The following POLR1A variants were observed in gnomAD, a reference collection of about 807,000 sequenced individuals.
POLR1A encodes the protein RNA polymerase I subunit A.
In POLR1A, 84 loss-of-function variants were observed where a neutral mutation model predicts 205.3. The ratio of observed to expected loss-of-function variants is 0.41; its 90% CI spans 0.34 to 0.49. The LOEUF (loss-of-function observed/expected upper bound fraction) is 0.49, where lower values mean the gene tolerates loss of function less well. POLR1A is among the 20% of genes least tolerant of loss of function. The probability of loss-of-function intolerance (pLI) is 0.22; values close to 1 mark genes in which losing one functional copy is unlikely to be tolerated. For synonymous variants in POLR1A, 799 were observed against 863.7 expected (o/e 0.93, Z 1.31); for missense variants, 1,645 against 2,204.5 (o/e 0.75, Z 5.08).
chr2:86,074,952 G>A (rs1673252888), intron 12 of POLR1A, 78 bp downstream of exon 12: 2 of 1,022,172 alleles, frequency 2.0e-6, no homozygotes, highest in Non-Finnish European at 2.9e-6. Context: ...GCGCACCGGA[G>A]CCACACCTGA....
chr2:86,052,684 A>G (rs939033494), intron 16 of POLR1A, 133 bp downstream of exon 16: 1 of 665,960 alleles, frequency 1.5e-6, no homozygotes, highest in Non-Finnish European at 2.4e-6. Context: ...ACCTGGAAAG[A>G]CTTCTCCACT....
intron 1 of POLR1A, among the ~76,000 whole-genome samples, chr2:86,103,591 T>A (rs189350182): frequency 3.3e-5 from 5 of 152,366 alleles, no homozygotes; most frequent in African/African-American, 1.2e-4. Flanking sequence ...TGAAATCGTA[T>A]CCACTTATGG....
At chr2:86,030,134 C>G in intron 31 of POLR1A, 62 bp downstream of exon 31, 1 of 1,408,824 alleles carries the variant, frequency 7.1e-7, no homozygotes, top group Non-Finnish European at 1.0e-6. Context: ...GTGGCTGGGT[C>G]TTGAGACAAC....
chr2:86,030,237 T>A lies in POLR1A; in HGVS notation c.4738A>T (p.Thr1580Ser), dbSNP rs1261991129. Reference protein sequence around the residue: ...NKNEKELVLNTEGINLPELFK... With the variant: ...NKNEKELVLNSEGINLPELFK... ...AGCTCTGGGAGGTTGATTCCTTCTG[T>A]GTTTAGCACAAGCTCCTTCTCGTTC... Residue 1580 changes from threonine to serine, a missense_variant, in exon 31 of 34, where the codon ACA (threonine) becomes TCA (serine). Physicochemically the swap from Thr to Ser is moderately conservative, Grantham distance 58. Around this residue, in one of 16 missense-constraint regions of POLR1A, gnomAD observed 394 missense variants for 468.5 expected, o/e 0.84. Coordinates refer to ENST00000263857, the MANE Select transcript of POLR1A (RefSeq NM_015425.6). 15 of 1,614,102 alleles carry A rather than the reference T, an allele frequency of 9.3e-6. No homozygotes were observed. In the Admixed American group the frequency reaches 2.3e-4, roughly 25 times the overall value.
At chr2:86,045,196 T>G in intron 21 of POLR1A, 82 bp downstream of exon 21, 107 of 912,228 alleles carry the variant, frequency 1.2e-4, no homozygotes, top group Non-Finnish European at 1.7e-4. Context: ...GAATCTTAAA[T>G]GAGCTGCTGA....
At chr2:86,097,236 A>AAAAAAAAAAAG (rs1673721642) in intron 3 of POLR1A, among the ~76,000 whole-genome samples, 1 of 147,956 alleles carries the variant, frequency 6.8e-6, no homozygotes, top group Non-Finnish European at 1.5e-5. Context: ...AAAAAAAAAA[A>AAAAAAAAAAAG]AAAAAAGCAA....
chr2:86,054,001 C>G (rs749241231), intron 15 of POLR1A, 139 bp downstream of exon 15: 3 of 774,192 alleles, frequency 3.9e-6, no homozygotes, highest in Non-Finnish European at 6.2e-6. Flanking sequence ...AAGCTGACAA[C>G]AACTCAGGCA....
intron 14 of POLR1A, among the ~76,000 whole-genome samples, chr2:86,058,379 G>A (rs2104403404): frequency 6.8e-6 from 1 of 147,626 alleles, no homozygotes; most frequent in East Asian, 2.0e-4. Context: ...GATTACAGGT[G>A]TGAGCCACCT....
chr2:86,039,009 G>T, intron 26 of POLR1A, 152 bp from the exon 27 acceptor site: 1 of 720,342 alleles, frequency 1.4e-6, no homozygotes, highest in Non-Finnish European at 2.3e-6. Flanking sequence ...TACTGGTGTG[G>T]ATCTGCTGGG....
intron 6 of POLR1A, among the ~76,000 whole-genome samples, chr2:86,083,479 C>G (rs926920748): frequency 6.6e-6 from 1 of 151,610 alleles, no homozygotes; most frequent in Admixed American, 6.6e-5. Flanking sequence ...TTTGTCTATA[C>G]ACGTATTTTA....
At chr2:86,049,131 C>A in intron 17 of POLR1A, 29 bp downstream of exon 17, 2 of 1,610,132 alleles carry the variant, frequency 1.2e-6, no homozygotes, top group Non-Finnish European at 1.7e-6. Context: ...CCCTCTAGGG[C>A]AGGCCACGGC....
Position 86,077,734 on chromosome 2 carries a change from G to C in POLR1A, c.1380+125C>G, listed in dbSNP as rs114081623. The C allele has an allele frequency of 1.4e-3, 1,624 of 1,154,308 alleles. 18 individuals are homozygous for C. In the African/African-American group the frequency reaches 0.022, roughly 16 times the overall value. The allele number at this position is 1,154,308 out of a possible 1,614,324, so 71.5% of individuals were successfully genotyped here. Reference sequence around the variant, plus strand: ...TCCGCCCAAGCCAGAATAATCTGCTGCACATCCTGTCCCCAGTCCTCTGCG... The same window carrying C: ...TCCGCCCAAGCCAGAATAATCTGCTCCACATCCTGTCCCCAGTCCTCTGCG... On this transcript the variant is annotated intron_variant, in intron 11 of 33. Transcript: ENST00000263857.
At chr2:86,069,922 G>A in intron 13 of POLR1A, 96 bp downstream of exon 13, 1 of 1,385,798 alleles carries the variant, frequency 7.2e-7, no homozygotes, top group Non-Finnish European at 9.7e-7. Flanking sequence ...CCCTGTCCTG[G>A]AGCTGCCCAA....
chr2:86,098,811 C>A, intron 2 of POLR1A, 51 bp from the exon 3 acceptor site: 1 of 1,582,862 alleles, frequency 6.3e-7, no homozygotes, highest in Non-Finnish European at 8.7e-7. Context: ...GACACAGTAG[C>A]CATGGTGATT....
Position 86,027,937 on chromosome 2 carries a change from C to T in POLR1A, c.5010G>A (p.Gln1670=), listed in dbSNP as rs1457542371. The change falls in exon 33 of 34, where the codon CAG becomes CAA. Residue 1670 remains glutamine (Q), a synonymous_variant. Coordinates refer to ENST00000263857, the MANE Select transcript of POLR1A (RefSeq NM_015425.6). Reference sequence around the variant, plus strand: ...GGAAGCTGGTTTCAAATGTCATCTGCTGTAGCGGGGAAGAGTTTGACCGGA... The same window carrying T: ...GGAAGCTGGTTTCAAATGTCATCTGTTGTAGCGGGGAAGAGTTTGACCGGA... ...FGIRSNSSPL[Q]QMTFETSFQF... is the part of the protein sequence containing the mutation. The T allele has an allele frequency of 1.1e-5, 17 of 1,614,222 alleles. No individual in the cohort carries two copies. Among genetic ancestry groups the T allele is most frequent in the Non-Finnish European group, 1.4e-5 (17 of 1,180,040 alleles).
chr2:86,037,812 T>C (rs1047304280), intron 27 of POLR1A, among the ~76,000 whole-genome samples: 6 of 152,208 alleles, frequency 3.9e-5, no homozygotes, highest in East Asian at 1.9e-4. Flanking sequence ...GAAAAAAACG[T>C]AGGGGGTGGG....
chr2:86,045,722 C>T lies in POLR1A; in HGVS notation c.2781G>A (p.Pro927=), dbSNP rs554697621. ...GCAGTGACTTGCCAGACGCCATCAGCGGGGGTCTCCGACCTTCCAGTTCAA... is the reference window on the plus strand; with the variant it reads ...GCAGTGACTTGCCAGACGCCATCAGTGGGGGTCTCCGACCTTCCAGTTCAA... ...GQIELEGRRP[P]LMASGKSLPC... The change falls in exon 20 of 34, where the codon CCG becomes CCA. Residue 927 remains proline (P), a synonymous_variant. Coordinates refer to ENST00000263857, the MANE Select transcript of POLR1A (RefSeq NM_015425.6). The T allele has an allele frequency of 1.9e-5, 30 of 1,609,724 alleles. No homozygotes were observed. The highest frequency in any genetic ancestry group is 6.8e-5 in the Admixed American group (4 of 58,568).
At chr2:86,051,143 T>A (rs1391463405) in intron 16 of POLR1A, among the ~76,000 whole-genome samples, 4 of 152,152 alleles carry the variant, frequency 2.6e-5, no homozygotes, top group African/African-American at 9.7e-5. Flanking sequence ...TTACCAGACA[T>A]GAGGATGTAG....
In POLR1A at chr2:86,028,378, G is replaced by C. The variant is rs754921419; in HGVS notation, c.4897+216C>G. On this transcript the variant is annotated intron_variant, in intron 32 of 33. Transcript: ENST00000263857. This position sits in a 1 kb window ranked among gnomAD's most constrained non-coding sequence, Gnocchi z 4.5. ...AGCTTTCTCTAAGGCACCAGCAGATGAGACACCACTGAAGCGGTCTCAGTG... is the reference window on the plus strand; with the variant it reads ...AGCTTTCTCTAAGGCACCAGCAGATCAGACACCACTGAAGCGGTCTCAGTG... 6.6e-5 allele frequency among the ~76,000 whole-genome samples: 10 copies of C among 152,202 alleles called. No individual in the cohort carries two copies. Among genetic ancestry groups the C allele is most frequent in the Non-Finnish European group, 1.3e-4 (9 of 68,054 alleles).
Sources: allele counts gnomAD v4.1 joint callset (sites outside exome capture counted in the v4.1 genomes callset), GRCh38; gene constraint gnomAD v4.1.1; regional missense constraint gnomAD v4.1.1; non-coding constraint Gnocchi (gnomAD v3.1); transcripts MANE v1.5; gene names NCBI Gene and HGNC (gene_info 2026-07-23, HGNC 2026-07-21).